Variants in MIB1 observed in about 807,000 individuals in gnomAD.
The protein encoded by MIB1 is MIB E3 ubiquitin protein ligase 1.
A neutral mutation model predicts 124.5 loss-of-function variants in MIB1; 278 were observed. The ratio of observed to expected loss-of-function variants is 2.23; its 90% CI spans 2.02 to 2.47. The LOEUF is 2.47. Ranked by LOEUF, MIB1 falls within the 30% of genes most tolerant of loss-of-function variation. The pLI is 0.00. For synonymous variants in MIB1, 446 were observed against 429.4 expected (o/e 1.04, Z -0.48); for missense variants, 957 against 1,254.4 (o/e 0.76, Z 3.58).
At position 21,833,482 on chromosome 18, in the gene MIB1, G is replaced by A. The variant is rs188826666; in HGVS notation, c.1830-4883G>A. The stretch of plus-strand genomic sequence containing the variant: ...GAATTCTTGACTAATCTACATTACC[G>A]ATTTGAGGGATTGTTTATTAATTTA... On this transcript the variant is annotated intron_variant, in intron 12 of 20. Coordinates refer to ENST00000261537, the MANE Select transcript of MIB1 (RefSeq NM_020774.4). Among the ~76,000 whole-genome samples, 82 of 152,210 alleles carry A rather than the reference G, an allele frequency of 5.4e-4. No individual in the cohort carries two copies. The Middle Eastern group carries it at 0.014, about 25-fold the overall frequency.
At chr18:21,791,291 C>A in intron 6 of MIB1, 83 bp from the exon 7 acceptor site, 2 of 1,127,292 alleles carry the variant, frequency 1.8e-6, no homozygotes, top group Non-Finnish European at 1.2e-6. Flanking sequence ...GATTGCCTTA[C>A]TCTTTTGATC....
chr18:21,815,033 ATATATATATATATATATATATATAAAAT>A (rs1297679212), intron 10 of MIB1, among the ~76,000 whole-genome samples: 4 of 117,512 alleles, frequency 3.4e-5, no homozygotes, highest in Non-Finnish European at 6.7e-5. Flanking sequence ...ATATATATAT[ATATATATATATATATATATATATAAAAT>A]TATATATAAA....
rs1036099277 is a variant in MIB1, at chr18:21,741,256, G to T, written c.-328G>T. On this transcript the variant is annotated 5_prime_UTR_variant, in exon 1 of 21. Coordinates refer to ENST00000261537, the MANE Select transcript of MIB1 (RefSeq NM_020774.4). The surrounding 1 kb of genome is among the most constrained non-coding windows in gnomAD (Gnocchi z 5.4). The stretch of plus-strand genomic sequence containing the variant: ...AGAGCGTGGTTTCCTTGCGGCCGTC[G>T]CTGTAGCCTGGCCGGGGAGCCCGGA... 12 of 154,578 alleles carry T rather than the reference G, an allele frequency of 7.8e-5. No homozygotes were observed. The highest frequency in any genetic ancestry group is 1.4e-5 in the Non-Finnish European group (1 of 69,760). The allele number at this position is 154,578 out of a possible 1,614,324, so 9.6% of individuals were successfully genotyped here.
At chr18:21,763,090 A>G (rs2041116831) in intron 1 of MIB1, among the ~76,000 whole-genome samples, 1 of 151,346 alleles carries the variant, frequency 6.6e-6, no homozygotes, top group Non-Finnish European at 1.5e-5. Context: ...TTTTAAATGA[A>G]GTTTCTGTTT....
intron 1 of MIB1, among the ~76,000 whole-genome samples, chr18:21,742,974 G>C (rs1568182883): frequency 1.3e-5 from 2 of 152,170 alleles, no homozygotes; most frequent in Non-Finnish European, 2.9e-5. Context: ...AGAGACAGTT[G>C]TCTCGTTTTA....
intron 7 of MIB1, among the ~76,000 whole-genome samples, chr18:21,792,846 C>T (rs1220765739): frequency 6.6e-6 from 1 of 152,176 alleles, no homozygotes; most frequent in African/African-American, 2.4e-5. Context: ...ATAGATAAAA[C>T]CTCTAGAGAA....
At chr18:21,793,326 G>A (rs2041528918) in intron 7 of MIB1, among the ~76,000 whole-genome samples, 1 of 152,190 alleles carries the variant, frequency 6.6e-6, no homozygotes, top group African/African-American at 2.4e-5. Context: ...TCACTTTGAG[G>A]AGAAAGTGCT....
chr18:21,843,216 G>A lies in MIB1; in HGVS notation c.2048G>A (p.Arg683Lys). Residue 683 changes from arginine (R) to lysine (K), a missense_variant and splice_region_variant, in exon 14 of 21, where the codon AGG becomes AAG. Transcript: ENST00000261537. The stretch of plus-strand genomic sequence containing the variant: ...GAACGACAGCATACCCAGATTGTTA[G>A]GGTAAAGTATTGACATACATTTTAG... ...AVERQHTQIV[R>K]LLVRAGAKLD... The A allele has an allele frequency of 6.3e-7, 1 of 1,576,974 alleles. No individual in the cohort carries two copies. The highest frequency in any genetic ancestry group is 8.6e-7 in the Non-Finnish European group (1 of 1,165,756).
Position 21,794,809 on chromosome 18 carries a change from A to G in MIB1, c.1092+3252A>G, listed in dbSNP as rs534808845. Among the ~76,000 whole-genome samples, 8 of 152,286 alleles carry G rather than the reference A, an allele frequency of 5.3e-5. No homozygotes were observed. In the East Asian group the frequency reaches 7.7e-4, roughly 15 times the overall value. On this transcript the variant is annotated intron_variant, in intron 7 of 20. Coordinates refer to ENST00000261537, the MANE Select transcript of MIB1 (RefSeq NM_020774.4). ...AGAAAACAGTGAGATCGCATTTAAG[A>G]TACTCAAGGAAAGAATATAAGCTGA...
chr18:21,862,393 T>G (rs2042284386), intron 20 of MIB1, among the ~76,000 whole-genome samples: 1 of 152,244 alleles, frequency 6.6e-6, no homozygotes, highest in Non-Finnish European at 1.5e-5. Context: ...GCCTAGTTTT[T>G]TAATGAAGAC....
rs571617380 is a variant in MIB1 at position 21,778,140 on chromosome 18, C to G, written c.674C>G (p.Ser225Cys). Reference protein sequence around the residue: ...LKCVQDAKGGSFYRDHCPVLG... With the variant: ...LKCVQDAKGGCFYRDHCPVLG... ...TGTGTCCAGGATGCCAAGGGAGGTT[C>G]TTTCTACAGAGATCACTGCCCTGTG... The change falls in exon 5 of 21, where the codon TCT becomes TGT. Residue 225 changes from serine (S) to cysteine (C), a missense_variant. By Grantham distance (112) the Ser-to-Cys change is moderately radical. Transcript: ENST00000261537. 8.1e-6 allele frequency: 13 copies of G among 1,612,074 alleles called. No individual in the cohort carries two copies. Among genetic ancestry groups the G allele is most frequent in the Non-Finnish European group, 1.1e-5 (13 of 1,178,600 alleles).
chr18:21,728,388 G>C (rs1381032165), intron 1 of MIB1, among the ~76,000 whole-genome samples: 1 of 152,178 alleles, frequency 6.6e-6, no homozygotes, highest in Admixed American at 6.5e-5. Context: ...AGCTAATTGG[G>C]AGGCTGAGGC....
intron 1 of MIB1, among the ~76,000 whole-genome samples, chr18:21,707,419 C>T (rs1011767809): frequency 6.6e-6 from 1 of 152,182 alleles, no homozygotes; most frequent in Non-Finnish European, 1.5e-5. Context: ...AAGCAGGCTG[C>T]CCGAGCCAGC....
intron 6 of MIB1, among the ~76,000 whole-genome samples, chr18:21,790,689 T>C (rs1278690406): frequency 1.3e-5 from 2 of 152,236 alleles, no homozygotes; most frequent in Admixed American, 6.5e-5. Flanking sequence ...TAGTGGTTTC[T>C]AGTGGGATGG....
At chr18:21,770,344 CTGT>C (rs1356790908) in intron 3 of MIB1, among the ~76,000 whole-genome samples, 21 of 152,162 alleles carry the variant, frequency 1.4e-4, no homozygotes, top group Admixed American at 1.3e-4. Context: ...AGTGTAACTT[CTGT>C]TGTCTGACTT....
chr18:21,820,530 G>T (rs1210321958), intron 12 of MIB1, among the ~76,000 whole-genome samples: 1 of 152,048 alleles, frequency 6.6e-6, no homozygotes, highest in South Asian at 2.1e-4. Context: ...TGTAACAGTG[G>T]GTATATATTG....
intron 10 of MIB1, among the ~76,000 whole-genome samples, chr18:21,808,456 T>C (rs542027969): frequency 6.6e-6 from 1 of 152,348 alleles, no homozygotes; most frequent in African/African-American, 2.4e-5. Context: ...ATATTTACTT[T>C]CTGGCCCTTC....
chr18:21,707,431 G>A (rs2040644027), intron 1 of MIB1, among the ~76,000 whole-genome samples: 1 of 152,222 alleles, frequency 6.6e-6, no homozygotes, highest in Admixed American at 6.5e-5. Flanking sequence ...CGAGCCAGCA[G>A]AGGCAACCTA....
rs2959513 is a variant in MIB1, at chr18:21,815,903, A to T, written c.1677+90A>T. On this transcript the variant is annotated intron_variant, in intron 11 of 20. Transcript: ENST00000261537. ...GTTCTATGGTAAGCATTCCTTTGTT[A>T]CCGTTCTCATATGTCATAGTAAATG... The T allele has an allele frequency of 7.8e-3, 8,992 of 1,152,432 alleles. 537 individuals are homozygous for T. The African/African-American group carries it at 0.12, about 16-fold the overall frequency. The allele number at this position is 1,152,432 out of a possible 1,614,324, so 71.4% of individuals were successfully genotyped here.
Sources: allele counts gnomAD v4.1 joint callset (sites outside exome capture counted in the v4.1 genomes callset), GRCh38; gene constraint gnomAD v4.1.1; non-coding constraint Gnocchi (gnomAD v3.1); transcripts MANE v1.5; gene names NCBI Gene and HGNC (gene_info 2026-07-23, HGNC 2026-07-21).